The following NR2F1-AS1 variants were observed in gnomAD, a reference collection of about 807,000 sequenced individuals.
The protein encoded by NR2F1-AS1 is NR2F1 regulatory antisense RNA 1.
chr5:93,425,336 A>G (rs1749173549), intron 4 of NR2F1-AS1, among the ~76,000 whole-genome samples: 1 of 152,086 alleles, frequency 6.6e-6, no homozygotes, highest in South Asian at 2.1e-4. Context: ...CAGCACAATA[A>G]CCTGGGCTCA....
intron 4 of NR2F1-AS1, chr5:93,411,187 CA>C (rs1234382532): frequency 6.6e-6 from 1 of 152,164 alleles, no homozygotes; most frequent in African/African-American, 2.4e-5. Flanking sequence ...AGTAAGTATT[CA>C]ATTAAGTTGA....
At chr5:93,506,630 A>G (rs1751190628) in intron 4 of NR2F1-AS1, among the ~76,000 whole-genome samples, 1 of 152,130 alleles carries the variant, frequency 6.6e-6, no homozygotes, top group Admixed American at 6.6e-5. Flanking sequence ...AGCCCATCAT[A>G]TTTCGTGAGA....
intron 4 of NR2F1-AS1, among the ~76,000 whole-genome samples, chr5:93,429,002 T>C (rs1025051123): frequency 1.3e-5 from 2 of 152,206 alleles, no homozygotes; most frequent in African/African-American, 2.4e-5. Flanking sequence ...GAATGACTAA[T>C]GGTCTTTGCA....
Position 93,506,709 on chromosome 5 carries a change from G to A in NR2F1-AS1, n.638+47052C>T, listed in dbSNP as rs1485464931. ...ACTATCATGATAATAGCATGGGAAG[G>A]ACCAGCCCCCATGTTTCAATTAGCT... On this transcript the variant is annotated intron_variant and non_coding_transcript_variant, in intron 4 of 5. Coordinates refer to ENST00000660523, the Ensembl canonical transcript of NR2F1-AS1. Among the ~76,000 whole-genome samples the A allele has an allele frequency of 2.6e-5, 4 of 152,188 alleles. No homozygotes were observed. In the South Asian group the frequency reaches 6.2e-4, roughly 24 times the overall value.
In NR2F1-AS1 at chr5:93,443,288, C is replaced by G. The variant is rs888469191; in HGVS notation, n.639-47746G>C. 5.3e-5 allele frequency among the ~76,000 whole-genome samples: 8 copies of G among 152,088 alleles called. No individual in the cohort carries two copies. The South Asian group carries it at 6.2e-4, about 12-fold the overall frequency. On this transcript the variant is annotated intron_variant and non_coding_transcript_variant, in intron 4 of 5. Transcript: ENST00000660523. ...GATGTTTGAACCCATCACAAAGAAG[C>G]TAAAAACCTTGAAAAACGATTAGAC...
At chr5:93,482,905 T>C (rs1033957621) in intron 4 of NR2F1-AS1, among the ~76,000 whole-genome samples, 8 of 152,172 alleles carry the variant, frequency 5.3e-5, no homozygotes, top group Admixed American at 1.3e-4. Context: ...TTTCTAGATT[T>C]CCCCTCTCTG....
intron 1 of NR2F1-AS1, among the ~76,000 whole-genome samples, chr5:93,568,394 C>G (rs1752665092): frequency 1.3e-5 from 2 of 152,094 alleles, no homozygotes; most frequent in African/African-American, 4.8e-5. Context: ...CTTACTATGT[C>G]TTACTAGAGT....
chr5:93,447,903 C>G (rs536414264), intron 4 of NR2F1-AS1, among the ~76,000 whole-genome samples: 2 of 152,234 alleles, frequency 1.3e-5, no homozygotes, highest in African/African-American at 4.8e-5. Flanking sequence ...TTTGCAGGGA[C>G]ATGGATGAAG....
At chr5:93,461,187 A>G (rs1165971828) in intron 4 of NR2F1-AS1, among the ~76,000 whole-genome samples, 2 of 152,214 alleles carry the variant, frequency 1.3e-5, no homozygotes, top group East Asian at 1.9e-4. Context: ...TTTGCAAGAC[A>G]TGGATGGAGC....
intron 1 of NR2F1-AS1, chr5:93,570,021 C>T (rs1056891399): frequency 6.6e-6 from 1 of 152,212 alleles, no homozygotes; most frequent in Non-Finnish European, 1.5e-5. Flanking sequence ...AGATCCCATT[C>T]AGCGGGCTGA....
chr5:93,466,555 C>A (rs916178710), intron 4 of NR2F1-AS1, among the ~76,000 whole-genome samples: 1 of 151,944 alleles, frequency 6.6e-6, no homozygotes, highest in South Asian at 2.1e-4. Context: ...CCAGGCTAGT[C>A]CCAAACTCCT....
At chr5:93,487,810 A>C (rs1482439091) in intron 4 of NR2F1-AS1, among the ~76,000 whole-genome samples, 1 of 152,218 alleles carries the variant, frequency 6.6e-6, no homozygotes, top group Non-Finnish European at 1.5e-5. Context: ...CAAAGAAAAA[A>C]GCTGGAAGCA....
chr5:93,571,694 T>C (rs1469872815), intron 1 of NR2F1-AS1, among the ~76,000 whole-genome samples: 2 of 152,010 alleles, frequency 1.3e-5, no homozygotes, highest in Admixed American at 6.6e-5. Flanking sequence ...CAATAAGATA[T>C]AGACGGTGAT....
In NR2F1-AS1 at chr5:93,429,621, G is replaced by A. The variant is rs1200807599; in HGVS notation, n.639-34079C>T. On this transcript the variant is annotated intron_variant and non_coding_transcript_variant, in intron 4 of 5. Coordinates refer to ENST00000660523, the Ensembl canonical transcript of NR2F1-AS1. Reference sequence around the variant, plus strand: ...TTCTTACACACTGCAAATCAGCTCAGATATCTTAATCAGTGGCTATAAACA... The same window carrying A: ...TTCTTACACACTGCAAATCAGCTCAAATATCTTAATCAGTGGCTATAAACA... Among the ~76,000 whole-genome samples, 3 of 152,204 alleles carry A rather than the reference G, an allele frequency of 2.0e-5. No homozygotes were observed. The East Asian group carries it at 5.8e-4, about 29-fold the overall frequency.
chr5:93,556,221 A>G (rs960937604), intron 2 of NR2F1-AS1, among the ~76,000 whole-genome samples: 1 of 152,128 alleles, frequency 6.6e-6, no homozygotes, highest in African/African-American at 2.4e-5. Flanking sequence ...TGCTCCATAC[A>G]TTTTTACATC....
intron 4 of NR2F1-AS1, among the ~76,000 whole-genome samples, chr5:93,519,689 T>C (rs887158837): frequency 3.3e-5 from 5 of 152,016 alleles, no homozygotes; most frequent in African/African-American, 1.2e-4. Context: ...CTGCTGCTAT[T>C]GCCCAGTAAT....
chr5:93,525,143 A>G (rs1053807589), intron 4 of NR2F1-AS1, among the ~76,000 whole-genome samples: 3 of 152,222 alleles, frequency 2.0e-5, no homozygotes, highest in African/African-American at 7.2e-5. Flanking sequence ...ACACAGGCTC[A>G]AAATAGAGGG....
At chr5:93,481,167 T>G (rs932322863) in intron 4 of NR2F1-AS1, among the ~76,000 whole-genome samples, 1 of 151,514 alleles carries the variant, frequency 6.6e-6, no homozygotes, top group Admixed American at 6.6e-5. Flanking sequence ...AATGAAAGGA[T>G]AGAAAAAAAT....
intron 4 of NR2F1-AS1, among the ~76,000 whole-genome samples, chr5:93,551,003 T>G (rs1208745615): frequency 6.6e-6 from 1 of 152,080 alleles, no homozygotes; most frequent in Non-Finnish European, 1.5e-5. Context: ...GTTATGTGAC[T>G]TTTATTGCCA....
Sources: allele counts gnomAD v4.1 joint callset (sites outside exome capture counted in the v4.1 genomes callset), GRCh38; gene constraint gnomAD v4.1.1; transcripts MANE v1.5; gene names NCBI Gene and HGNC (gene_info 2026-07-23, HGNC 2026-07-21).